IGSF5: variants seen among roughly 807,000 people sequenced by gnomAD.
The protein encoded by IGSF5 is immunoglobulin superfamily member 5.
In IGSF5, 41 loss-of-function variants were observed where a neutral mutation model predicts 39.4. The ratio of observed to expected loss-of-function variants is 1.04; its 90% CI spans 0.81 to 1.35. The LOEUF is 1.35. Ranked by LOEUF, IGSF5 falls within the 40% of genes most tolerant of loss-of-function variation. The pLI is 0.00. For synonymous variants in IGSF5, 183 were observed against 175.3 expected (o/e 1.04, Z -0.34); for missense variants, 487 against 494.6 (o/e 0.98, Z 0.15).
upstream of IGSF5, among the ~76,000 whole-genome samples, chr21:39,744,479 T>C (rs982458529): frequency 2.6e-5 from 4 of 152,256 alleles, no homozygotes; most frequent in African/African-American, 9.6e-5. Context: ...TTTCTAACTC[T>C]GCTTCCACAA....
chr21:39,715,916 C>T, the IGSF5 span, among the ~76,000 whole-genome samples: 4 of 152,266 alleles, frequency 2.6e-5, no homozygotes, highest in Non-Finnish European at 5.9e-5. Context: ...GGGAGGGAAC[C>T]AACCCGGGGA....
chr21:39,733,332 TGTA>T, the IGSF5 span, among the ~76,000 whole-genome samples: 2 of 152,076 alleles, frequency 1.3e-5, no homozygotes, highest in Admixed American at 6.5e-5. Flanking sequence ...ATGTTTATAA[TGTA>T]GTGTTAAATT....
rs73904416 is a variant in IGSF5 at position 39,775,356 on chromosome 21, C to T, written c.719-3734C>T. Among the ~76,000 whole-genome samples, 527 of 152,326 alleles carry T rather than the reference C, an allele frequency of 3.5e-3. 4 individuals carry two copies. Among genetic ancestry groups the T allele is most frequent in the African/African-American group, 0.011 (474 of 41,570 alleles). Reference sequence around the variant, plus strand: ...GACTGGAAAGGGAGTGATTGTCATTCACACTATTGATTCGGAGATCTCTTG... The same window carrying T: ...GACTGGAAAGGGAGTGATTGTCATTTACACTATTGATTCGGAGATCTCTTG... On this transcript the variant is annotated intron_variant, in intron 4 of 8. Coordinates refer to ENST00000380588, the MANE Select transcript of IGSF5 (RefSeq NM_001080444.2).
At chr21:39,796,193 C>T (rs1220778402) in intron 8 of IGSF5, among the ~76,000 whole-genome samples, 1 of 152,142 alleles carries the variant, frequency 6.6e-6, no homozygotes, top group Non-Finnish European at 1.5e-5. Context: ...TTCCTTGGTC[C>T]AGAGAAGACA....
At chr21:39,780,506 C>A (rs1411017517) in intron 5 of IGSF5, among the ~76,000 whole-genome samples, 5 of 152,130 alleles carry the variant, frequency 3.3e-5, no homozygotes, top group African/African-American at 1.2e-4. Context: ...ATCTACATAT[C>A]TGAACATATT....
At chr21:39,725,818 A>G in the IGSF5 span, 1 of 152,316 alleles carries the variant, frequency 6.6e-6, no homozygotes, top group East Asian at 1.9e-4. Context: ...TGCAATTAAC[A>G]GCCGTTAATT....
intron 5 of IGSF5, among the ~76,000 whole-genome samples, chr21:39,784,800 C>T (rs1219029119): frequency 2.0e-5 from 3 of 152,086 alleles, no homozygotes; most frequent in East Asian, 1.9e-4. Context: ...GCTTAAAAAA[C>T]ATTAAACATC....
chr21:39,758,202 G>A (rs1342215586), intron 2 of IGSF5, among the ~76,000 whole-genome samples: 1 of 152,040 alleles, frequency 6.6e-6, no homozygotes, highest in Non-Finnish European at 1.5e-5. Flanking sequence ...GGCCACAGGA[G>A]GCCGCTGGAA....
chr21:39,779,352 G>GT, intron 5 of IGSF5, 47 bp downstream of exon 5: 1 of 1,588,474 alleles, frequency 6.3e-7, no homozygotes, highest in Non-Finnish European at 8.6e-7. Context: ...TGAACTTTTG[G>GT]TACAAGCAGT....
chr21:39,712,826 A>G, the IGSF5 span, among the ~76,000 whole-genome samples: 1 of 152,160 alleles, frequency 6.6e-6, no homozygotes, highest in African/African-American at 2.4e-5. Context: ...TCATCCTGAC[A>G]GGACCATTCA....
Position 39,771,054 on chromosome 21 carries a change from G to A in IGSF5, c.557G>A (p.Ser186Asn), listed in dbSNP as rs150986242. ...WELGLLVSHS[S>N]YYFVPEPSDL... ...CTCGGTCTCCTGGTCAGCCATTCAA[G>A]CTATTATTTTGTTCCGGAGCCCAGC... Residue 186 changes from serine to asparagine, a missense_variant, in exon 4 of 9, where the codon AGC becomes AAC. Transcript: ENST00000380588. The A allele has an allele frequency of 1.3e-4, 210 of 1,613,768 alleles. No homozygotes were observed. Among genetic ancestry groups the A allele is most frequent in the Non-Finnish European group, 1.7e-4 (201 of 1,179,888 alleles).
chr21:39,776,340 A>T (rs2080140736), intron 4 of IGSF5, among the ~76,000 whole-genome samples: 1 of 152,134 alleles, frequency 6.6e-6, no homozygotes, highest in Non-Finnish European at 1.5e-5. Context: ...AGTGGATTAA[A>T]GGGAGACTTC....
chr21:39,796,478 C>T (rs2086996739), intron 8 of IGSF5, among the ~76,000 whole-genome samples: 1 of 152,192 alleles, frequency 6.6e-6, no homozygotes, highest in African/African-American at 2.4e-5. Context: ...CTGCAATAAG[C>T]CTTAGTTCCT....
chr21:39,762,486 C>G (rs183517496), intron 2 of IGSF5, among the ~76,000 whole-genome samples: 4 of 152,024 alleles, frequency 2.6e-5, no homozygotes, highest in African/African-American at 9.7e-5. Flanking sequence ...GGGGTTGTGG[C>G]GACCAGGGTT....
chr21:39,717,950 T>A, the IGSF5 span, among the ~76,000 whole-genome samples: 1 of 152,264 alleles, frequency 6.6e-6, no homozygotes, highest in Non-Finnish European at 1.5e-5. Context: ...ATTTTAATGA[T>A]ATTGATTCAT....
intron 2 of IGSF5, among the ~76,000 whole-genome samples, chr21:39,762,429 G>A (rs895077075): frequency 2.6e-5 from 4 of 152,102 alleles, no homozygotes; most frequent in Non-Finnish European, 4.4e-5. Flanking sequence ...TTAAATAAAC[G>A]CCTAAGGACC....
chr21:39,718,960 T>C, the IGSF5 span, among the ~76,000 whole-genome samples: 3 of 152,192 alleles, frequency 2.0e-5, no homozygotes, highest in African/African-American at 7.2e-5. Context: ...AGAATTGGGC[T>C]CTGAATTCAT....
At chr21:39,800,993 A>G (rs938087779) in intron 8 of IGSF5, among the ~76,000 whole-genome samples, 3 of 152,276 alleles carry the variant, frequency 2.0e-5, no homozygotes, top group Non-Finnish European at 4.4e-5. Flanking sequence ...ATTGAAACAC[A>G]AAACAAAACA....
In IGSF5 at chr21:39,793,616, A is replaced by G. The variant is rs2086978007; in HGVS notation, c.1128+3A>G. ...GTAGCTGTGGCCCTCCTCACCAGGTAGTTTAGACCATTTTCCCCCTTTTTG... is the reference window on the plus strand; with the variant it reads ...GTAGCTGTGGCCCTCCTCACCAGGTGGTTTAGACCATTTTCCCCCTTTTTG... On this transcript the variant is annotated splice_donor_region_variant and intron_variant, in intron 8 of 8. Coordinates refer to ENST00000380588, the MANE Select transcript of IGSF5 (RefSeq NM_001080444.2). 8.1e-6 allele frequency: 13 copies of G among 1,610,690 alleles called. No individual in the cohort carries two copies. The highest frequency in any genetic ancestry group is 1.1e-5 in the Non-Finnish European group (13 of 1,178,050).
Sources: gnomAD v4.1 joint callset for allele counts (sites outside exome capture counted in the v4.1 genomes callset) on GRCh38, gnomAD v4.1.1 for gene constraint, MANE v1.5 for transcripts, NCBI Gene and HGNC (gene_info 2026-07-23, HGNC 2026-07-21) for gene names.